C6orf89: variants seen among roughly 807,000 people sequenced by gnomAD.
C6orf89 encodes bombesin receptor-activated protein C6orf89.
Under a neutral mutation model 40.7 loss-of-function variants are expected in C6orf89, and 29 were observed. That is an observed-to-expected ratio of 0.71 (90% CI 0.53 to 0.97). The LOEUF (loss-of-function observed/expected upper bound fraction) is 0.97. Among genes scored for constraint, C6orf89 ranks in the 50% least tolerant of loss-of-function variants. The probability of loss-of-function intolerance (pLI) is 0.00; values close to 1 mark genes in which losing one functional copy is unlikely to be tolerated. For missense variants in C6orf89, 392 were observed against 429.1 expected, an observed-to-expected ratio of 0.91 and a Z score of 0.76; for synonymous variants, 165 against 152.2, an observed-to-expected ratio of 1.08 and a Z score of -0.62.
intron 8 of C6orf89, among the ~76,000 whole-genome samples, chr6:36,920,558 C>T (rs1762477127): frequency 6.6e-6 from 1 of 152,140 alleles, no homozygotes; most frequent in African/African-American, 2.4e-5. Flanking sequence ...CCTTGCATCT[C>T]ATATGAGGGT....
intron 4 of C6orf89, among the ~76,000 whole-genome samples, chr6:36,910,432 G>A (rs1762082929): frequency 6.6e-6 from 1 of 152,044 alleles, no homozygotes; most frequent in Non-Finnish European, 1.5e-5. Flanking sequence ...AAAAATCTAT[G>A]TTTATCCTTT....
intron 4 of C6orf89, among the ~76,000 whole-genome samples, chr6:36,910,021 C>T (rs1168368602): frequency 6.6e-6 from 1 of 152,030 alleles, no homozygotes; most frequent in Non-Finnish European, 1.5e-5. Context: ...AACTGATGTG[C>T]CAAGGGATTG....
chr6:36,874,507 A>G lies in C6orf89; in HGVS notation c.-628+2540A>G, dbSNP rs372595312. On this transcript the variant is annotated intron_variant, in intron 1 of 9. Coordinates refer to the C6orf89 transcript ENST00000359359. ...GGGGAAGGAGGACAATCAGGCAGCT[A>G]TTGCTGAGACCTCAGCACAAGACCC... Among the ~76,000 whole-genome samples the G allele has an allele frequency of 5.9e-5, 9 of 152,210 alleles. No individual in the cohort carries two copies. In the East Asian group the frequency reaches 9.6e-4, roughly 16 times the overall value.
intron 7 of C6orf89, 63 bp from the exon 8 acceptor site, chr6:36,919,515 C>A (rs573483542): frequency 2.8e-5 from 43 of 1,556,730 alleles, no homozygotes; most frequent in Non-Finnish European, 3.4e-5. Context: ...ATTTACTAAA[C>A]CCCCTGGTTT....
At chr6:36,915,750 T>C (rs1231669428) in intron 6 of C6orf89, among the ~76,000 whole-genome samples, 4 of 150,028 alleles carry the variant, frequency 2.7e-5, no homozygotes, top group Non-Finnish European at 5.9e-5. Flanking sequence ...GAAAGAAAAA[T>C]GGGAAACAGA....
At chr6:36,916,610 T>C in intron 7 of C6orf89, 36 bp downstream of exon 7, 2 of 1,613,272 alleles carry the variant, frequency 1.2e-6, no homozygotes, top group Non-Finnish European at 1.7e-6. Context: ...TCTAGAATTT[T>C]CTTTATTTGG....
At chr6:36,884,649 C>G (rs1774912688), upstream of C6orf89, among the ~76,000 whole-genome samples, 1 of 152,146 alleles carries the variant, frequency 6.6e-6, no homozygotes. This position sits in a 1 kb window ranked among gnomAD's most constrained non-coding sequence, Gnocchi z 4.0. Flanking sequence ...CGCTAAGGCC[C>G]TAAGTTCTGG....
intron 1 of C6orf89, chr6:36,872,083 G>A: frequency 7.4e-6 from 3 of 404,930 alleles, no homozygotes; most frequent in South Asian, 6.0e-5. Flanking sequence ...AGGTGTTCTG[G>A]GTACTTCTTT....
intron 3 of C6orf89, among the ~76,000 whole-genome samples, chr6:36,900,564 A>G (rs1353047274): frequency 6.6e-6 from 1 of 151,638 alleles, no homozygotes; most frequent in Non-Finnish European, 1.5e-5. Context: ...CAGTGGTGCC[A>G]TCATGGCTCA....
chr6:36,874,672 G>A, intron 1 of C6orf89: 1 of 1,603,722 alleles, frequency 6.2e-7, no homozygotes, highest in Non-Finnish European at 8.5e-7. Flanking sequence ...TGAGGCCCGG[G>A]CTCCGCGTCT....
At chr6:36,914,493 C>T in intron 5 of C6orf89, 58 bp downstream of exon 5, 1 of 1,612,084 alleles carries the variant, frequency 6.2e-7, no homozygotes, top group Non-Finnish European at 8.5e-7. Flanking sequence ...CTAGGTCAAG[C>T]TCTAGGAAAT....
intron 2 of C6orf89, among the ~76,000 whole-genome samples, chr6:36,879,682 G>C (rs1306853734): frequency 6.6e-6 from 1 of 152,040 alleles, no homozygotes; most frequent in Non-Finnish European, 1.5e-5. Flanking sequence ...ATAAAACACG[G>C]GCTTAGGACC....
In C6orf89 at chr6:36,919,589, G is replaced by C. The variant is rs1051696220; in HGVS notation, c.837G>C (p.Met279Ile). 1 of 1,613,784 alleles carries C rather than the reference G, an allele frequency of 6.2e-7. No individual in the cohort carries two copies. Among genetic ancestry groups the C allele is most frequent in the Non-Finnish European group, 8.5e-7 (1 of 1,179,812 alleles). ...EPVVGSKMHK[M>I]PDLFIIGSGE... ...ATTCTTTCCTCCAGATGCATAAGAT[G>C]CCTGACCTATTTATCATTGGCAGCG... is the stretch of plus-strand genomic sequence containing the variant. The change falls in exon 8 of 9, where the codon ATG (methionine) becomes ATC (isoleucine). Residue 279 changes from methionine to isoleucine, a missense_variant. By Grantham distance (10) the Met-to-Ile change is conservative. Transcript: ENST00000480824.
At chr6:36,885,737 G>A (rs962340656), upstream of C6orf89, 5 of 338,548 alleles carry the variant, frequency 1.5e-5, no homozygotes, top group Admixed American at 4.8e-5. Flanking sequence ...AGGAAGACAA[G>A]GATTTAGGAC....
Position 36,914,577 on chromosome 6 carries a change from A to G in C6orf89, c.579A>G (p.Glu193=), listed in dbSNP as rs2272275. The G allele has an allele frequency of 0.24, 383,672 of 1,613,798 alleles. 46,715 individuals carry two copies. The highest frequency in any genetic ancestry group is 0.33 in the East Asian group (14,744 of 44,860). ...VIKTGKPLLE[E]EIQHFLCQYP... The stretch of plus-strand genomic sequence containing the variant: ...AGACGGGAAAGCCCCTGTTGGAGGA[A>G]GAGATTCAGCATTTTTTGTGCCAGT... Residue 193 remains glutamate (E), a synonymous_variant, in exon 6 of 9, where the codon GAA becomes GAG. Transcript: ENST00000480824.
At chr6:36,900,555 A>G (rs912014840) in intron 3 of C6orf89, among the ~76,000 whole-genome samples, 2 of 151,946 alleles carry the variant, frequency 1.3e-5, no homozygotes, top group Non-Finnish European at 2.9e-5. Context: ...GCTGGAGTGC[A>G]GTGGTGCCAT....
chr6:36,922,814 T>C (rs1010794751), intron 8 of C6orf89, among the ~76,000 whole-genome samples: 3 of 152,188 alleles, frequency 2.0e-5, no homozygotes, highest in African/African-American at 7.2e-5. Flanking sequence ...ACAGGAAAAT[T>C]GGCTAGTAGG....
intron 4 of C6orf89, 76 bp downstream of exon 4, chr6:36,902,510 T>A: frequency 7.5e-7 from 1 of 1,331,040 alleles, no homozygotes; most frequent in Non-Finnish European, 1.1e-6. Context: ...TAACATTTAT[T>A]GATACCTAAT....
Position 36,919,659 on chromosome 6 carries a change from C to T in C6orf89, c.907C>T (p.His303Tyr), listed in dbSNP as rs1251919122. 8 of 1,614,020 alleles carry T rather than the reference C, an allele frequency of 5.0e-6. No homozygotes were observed. Among genetic ancestry groups the T allele is most frequent in the South Asian group, 2.2e-5 (2 of 91,086 alleles). Residue 303 changes from histidine to tyrosine, a missense_variant, in exon 8 of 9, where the codon CAT (histidine) becomes TAT (tyrosine). By Grantham distance (83) the His-to-Tyr change is moderately conservative. Transcript: ENST00000480824. ...CATCCCTCCCTTCCAGTGCCGAAGA[C>T]ATTGTCAGTCTGTGGCCATGCCAAT... ...QLIPPFQCRR[H>Y]CQSVAMPIEP...
Sources: gnomAD v4.1 joint callset for allele counts (sites outside exome capture counted in the v4.1 genomes callset) on GRCh38, gnomAD v4.1.1 for gene constraint, Gnocchi (gnomAD v3.1) non-coding constraint, MANE v1.5 for transcripts, NCBI Gene and HGNC (gene_info 2026-07-23, HGNC 2026-07-21) for gene names.